The following VEZT variants were observed in gnomAD, a reference collection of about 807,000 sequenced individuals.
VEZT encodes the protein vezatin.
Under a neutral mutation model 79.9 loss-of-function variants are expected in VEZT, and 39 were observed. The ratio of observed to expected loss-of-function variants is 0.49; its 90% CI spans 0.38 to 0.64. The LOEUF (loss-of-function observed/expected upper bound fraction) is 0.64. Ranked by LOEUF, VEZT falls within the 30% of genes least tolerant of loss-of-function variation. The probability of loss-of-function intolerance (pLI) is 0.00; values close to 1 mark genes in which losing one functional copy is unlikely to be tolerated. For synonymous variants in VEZT, 325 were observed against 327.6 expected (o/e 0.99, Z 0.09); for missense variants, 837 against 893.1 (o/e 0.94, Z 0.80).
At position 95,300,474 on chromosome 12, in the gene VEZT, C is replaced by T; in HGVS notation, c.2141C>T (p.Pro714Leu). Reference sequence around the variant, plus strand: ...GGTCTGACCACTGCCCCTCCAACTCCCAGGGACTCATTACAGCCCTCCATT... The same window carrying T: ...GGTCTGACCACTGCCCCTCCAACTCTCAGGGACTCATTACAGCCCTCCATT... ...GSGLTTAPPT[P>L]RDSLQPSIKQ... Residue 714 changes from proline to leucine, a missense_variant, in exon 12 of 12, where the codon CCC (proline) becomes CTC (leucine). Transcript: ENST00000436874. 2.5e-6 allele frequency: 4 copies of T among 1,613,938 alleles called. No homozygotes were observed. The highest frequency in any genetic ancestry group is 3.4e-6 in the Non-Finnish European group (4 of 1,179,874).
At chr12:95,259,030 T>A (rs1016414512) in intron 3 of VEZT, among the ~76,000 whole-genome samples, 1 of 152,196 alleles carries the variant, frequency 6.6e-6, no homozygotes, top group Non-Finnish European at 1.5e-5. Flanking sequence ...TCCAAATTTG[T>A]CACGTCAGCA....
intron 1 of VEZT, among the ~76,000 whole-genome samples, chr12:95,249,321 G>A (rs2137706335): frequency 6.6e-6 from 1 of 152,228 alleles, no homozygotes; most frequent in East Asian, 1.9e-4. Flanking sequence ...AAGTATGTAA[G>A]GTCGGCCCAA....
chr12:95,231,692 A>G lies in VEZT; in HGVS notation c.36+13806A>G, dbSNP rs79697329. Reference sequence around the variant, plus strand: ...ATATTAATTTAGATATTATGTTGAAATGTGTAAGCTCCGAAAAGCATTTCC... The same window carrying G: ...ATATTAATTTAGATATTATGTTGAAGTGTGTAAGCTCCGAAAAGCATTTCC... On this transcript the variant is annotated intron_variant, in intron 1 of 11. Transcript: ENST00000436874. The G allele has an allele frequency of 2.0e-4, 30 of 152,290 alleles. No homozygotes were observed. In the East Asian group the frequency reaches 5.2e-3, roughly 26 times the overall value. The allele number at this position is 152,290 out of a possible 1,614,324, so 9.4% of individuals were successfully genotyped here.
intron 1 of VEZT, among the ~76,000 whole-genome samples, chr12:95,242,896 A>G (rs2137402343): frequency 6.6e-6 from 1 of 151,420 alleles, no homozygotes; most frequent in Admixed American, 6.6e-5. Flanking sequence ...AAAAAAAAAA[A>G]TCAGTAAAAT....
intron 1 of VEZT, chr12:95,224,360 C>A: frequency 2.4e-6 from 1 of 425,428 alleles, no homozygotes; most frequent in Non-Finnish European, 4.7e-6. Flanking sequence ...GTTGCCTAGG[C>A]TGGAATGCAG....
In VEZT at chr12:95,251,969, T is replaced by C; in HGVS notation, c.66T>C (p.Asp22=). ...ENSPLYQYLQ[D]LGHTDFEICS... ...CTCCACTTTACCAATACTTACAGGA[T>C]CTGGGACACACAGACTTTGAAATAT... Residue 22 remains aspartate (D), a synonymous_variant, in exon 2 of 12, where the codon GAT becomes GAC. Transcript: ENST00000436874. 1 of 1,612,170 alleles carries C rather than the reference T, an allele frequency of 6.2e-7. No individual in the cohort carries two copies. The highest frequency in any genetic ancestry group is 8.5e-7 in the Non-Finnish European group (1 of 1,179,132).
rs537255545 is a variant in VEZT at position 95,241,364 on chromosome 12, C to T, written c.37-10576C>T. ...CAGGTTTTGTTTGTTTGTTTTGAGACGAGTCTTGCATGGCTTACTGCAGCC... is the reference window on the plus strand; with the variant it reads ...CAGGTTTTGTTTGTTTGTTTTGAGATGAGTCTTGCATGGCTTACTGCAGCC... On this transcript the variant is annotated intron_variant, in intron 1 of 11. Coordinates refer to ENST00000436874, the MANE Select transcript of VEZT (RefSeq NM_017599.4). Among the ~76,000 whole-genome samples the T allele has an allele frequency of 2.6e-5, 4 of 152,040 alleles. No individual in the cohort carries two copies. In the South Asian group the frequency reaches 8.3e-4, roughly 32 times the overall value.
At chr12:95,284,966 G>A (rs2070248162) in intron 8 of VEZT, among the ~76,000 whole-genome samples, 2 of 151,616 alleles carry the variant, frequency 1.3e-5, no homozygotes, top group South Asian at 4.2e-4. Context: ...GGCGCCTGTA[G>A]TCCCAGTTAC....
At chr12:95,246,648 G>A (rs576463054) in intron 1 of VEZT, among the ~76,000 whole-genome samples, 1 of 152,184 alleles carries the variant, frequency 6.6e-6, no homozygotes, top group East Asian at 1.9e-4. Context: ...AATTCTTTCT[G>A]GTGTTATGAT....
chr12:95,287,664 G>T lies in VEZT; in HGVS notation c.1329G>T (p.Glu443Asp), dbSNP rs768467784. ...LQLHLKALLN[E>D]VIILEDELEK... Reference sequence around the variant, plus strand: ...GTTTCTGTTTTTCTTTATGACTCAGGGTAATAATTCTTGAAGATGAACTTG... The same window carrying T: ...GTTTCTGTTTTTCTTTATGACTCAGTGTAATAATTCTTGAAGATGAACTTG... Residue 443 changes from glutamate (E) to aspartate (D), a missense_variant and splice_region_variant, in exon 9 of 12, where the codon GAG becomes GAT. Glu to Asp is a conservative substitution (Grantham distance 45, BLOSUM62 2). Transcript: ENST00000436874. 44 of 1,547,320 alleles carry T rather than the reference G, an allele frequency of 2.8e-5. No individual in the cohort carries two copies. Among genetic ancestry groups the T allele is most frequent in the Non-Finnish European group, 3.6e-5 (41 of 1,144,650 alleles).
intron 1 of VEZT, among the ~76,000 whole-genome samples, chr12:95,224,464 C>T (rs2058117110): frequency 6.6e-6 from 1 of 152,098 alleles, no homozygotes; most frequent in Admixed American, 6.5e-5. Flanking sequence ...CAGGCAGGTG[C>T]CACCATGTCC....
rs958726711 is a variant in VEZT, at chr12:95,245,532, C to T, written c.37-6408C>T. 15 of 456,564 alleles carry T rather than the reference C, an allele frequency of 3.3e-5. No homozygotes were observed. The East Asian group carries it at 1.0e-3, about 32-fold the overall frequency. The allele number at this position is 456,564 out of a possible 1,614,324, so 28.3% of individuals were successfully genotyped here. A position where few individuals can be genotyped will look rare whatever the true frequency, so the allele number is the denominator to read the frequency against. On this transcript the variant is annotated intron_variant, in intron 1 of 11. Coordinates refer to ENST00000436874, the MANE Select transcript of VEZT (RefSeq NM_017599.4). ...TTTTATCCCCTGTGCCTACATGTTG[C>T]CTGACATGGAAGATGTTCAGTAAGT...
chr12:95,223,334 T>C (rs565274568), intron 1 of VEZT, among the ~76,000 whole-genome samples: 9 of 152,210 alleles, frequency 5.9e-5, no homozygotes, highest in Non-Finnish European at 1.3e-4. Context: ...ATTATTGATA[T>C]ATTCTTAGTA....
chr12:95,253,669 GTAT>G (rs2062985735), intron 2 of VEZT, among the ~76,000 whole-genome samples: 1 of 152,108 alleles, frequency 6.6e-6, no homozygotes, highest in South Asian at 2.1e-4. Context: ...GGTTTTATAG[GTAT>G]TATTGTCATT....
rs778906498 is a variant in VEZT at position 95,266,450 on chromosome 12, A to G, written c.528A>G (p.Leu176=). The change falls in exon 5 of 12, where the codon CTA becomes CTG. Residue 176 remains leucine, a synonymous_variant. Coordinates refer to ENST00000436874, the MANE Select transcript of VEZT (RefSeq NM_017599.4). ...CCTGGCTGGTATGGGGAGTGATTCTATTTGTGTATCTGGTCATAAGAGCTT... is the reference window on the plus strand; with the variant it reads ...CCTGGCTGGTATGGGGAGTGATTCTGTTTGTGTATCTGGTCATAAGAGCTT... ...VSSWLVWGVI[L]FVYLVIRALR... is the part of the protein sequence containing the mutation. 6.2e-7 allele frequency: 1 copy of G among 1,613,734 alleles called. No homozygotes were observed. The highest frequency in any genetic ancestry group is 8.5e-7 in the Non-Finnish European group (1 of 1,179,872).
chr12:95,277,162 T>G (rs2067964585), intron 7 of VEZT, among the ~76,000 whole-genome samples: 1 of 150,514 alleles, frequency 6.6e-6, no homozygotes, highest in South Asian at 2.1e-4. Context: ...TTTTAATGAT[T>G]TATCCTTTGA....
At chr12:95,292,303 A>G (rs2073046460) in intron 9 of VEZT, among the ~76,000 whole-genome samples, 2 of 152,148 alleles carry the variant, frequency 1.3e-5, no homozygotes, top group South Asian at 4.1e-4. Flanking sequence ...TTGCCAGCAC[A>G]CTGTTTAATG....
chr12:95,272,234 GGAA>G (rs2066761109), intron 6 of VEZT, among the ~76,000 whole-genome samples: 1 of 40,824 alleles, frequency 2.4e-5, no homozygotes, highest in East Asian at 6.0e-4. Flanking sequence ...TTACTATGAA[GGAA>G]AAAAAAAACG....
chr12:95,252,169 C>A, intron 2 of VEZT, 98 bp downstream of exon 2: 1 of 1,270,216 alleles, frequency 7.9e-7, no homozygotes, highest in Non-Finnish European at 1.1e-6. Context: ...CTCCCTCACA[C>A]TGGTAAGACT....
Sources: allele counts gnomAD v4.1 joint callset (sites outside exome capture counted in the v4.1 genomes callset), GRCh38; gene constraint gnomAD v4.1.1; transcripts MANE v1.5; gene names NCBI Gene and HGNC (gene_info 2026-07-23, HGNC 2026-07-21).